EEF2K: variants seen among roughly 807,000 people sequenced by gnomAD.
EEF2K encodes alternative protein EEF2K.
In EEF2K, 70 loss-of-function variants were observed where a neutral mutation model predicts 93.8. The observed-to-expected ratio is 0.75, with a 90% CI of 0.62 to 0.91. The LOEUF is 0.91. Among genes scored for constraint, EEF2K ranks in the 40% least tolerant of loss-of-function variants. EEF2K has a pLI of 0.00. For synonymous variants in EEF2K, 376 were observed against 380.8 expected (o/e 0.99, Z 0.15); for missense variants, 935 against 972.9 (o/e 0.96, Z 0.52).
chr16:22,234,013 C>T (rs1419770791), intron 2 of EEF2K, among the ~76,000 whole-genome samples: 1 of 152,180 alleles, frequency 6.6e-6, no homozygotes, highest in Non-Finnish European at 1.5e-5. Context: ...AGGTTATTTC[C>T]AGTCTTGTCC....
chr16:22,222,258 AT>A (rs1171629878), intron 1 of EEF2K, among the ~76,000 whole-genome samples: 1 of 150,980 alleles, frequency 6.6e-6, no homozygotes, highest in Non-Finnish European at 1.5e-5. Context: ...TTGTGGTGCA[AT>A]TTCAGCTCAC....
intron 12 of EEF2K, among the ~76,000 whole-genome samples, chr16:22,264,362 T>C (rs1323555682): frequency 3.3e-5 from 5 of 150,892 alleles, no homozygotes; most frequent in Admixed American, 2.0e-4. Flanking sequence ...TCCAGCACTT[T>C]AGGAGGGCAA....
At position 22,283,895 on chromosome 16, in the gene EEF2K, T is replaced by C; in HGVS notation, c.2077T>C (p.Tyr693His). The C allele has an allele frequency of 1.3e-6, 2 of 1,593,522 alleles. No individual in the cohort carries two copies. Among genetic ancestry groups the C allele is most frequent in the South Asian group, 1.1e-5 (1 of 87,472 alleles). Reference sequence around the variant, plus strand: ...CCTTTGCTGTCTTTCAGGGGACTTGTATACCCAGGCAGCAGAGGCAGCGAT... The same window carrying C: ...CCTTTGCTGTCTTTCAGGGGACTTGCATACCCAGGCAGCAGAGGCAGCGAT... ...EKDPQRSGDL[Y>H]TQAAEAAMEA... The change falls in exon 18 of 18, where the codon TAT becomes CAT. Residue 693 changes from tyrosine (Y) to histidine (H), a missense_variant. Coordinates refer to ENST00000263026, the MANE Select transcript of EEF2K (RefSeq NM_013302.5).
rs1387900284 is a variant in EEF2K at position 22,225,779 on chromosome 16, A to G, written c.50A>G (p.Gln17Arg). The change falls in exon 2 of 18, where the codon CAG (glutamine) becomes CGG (arginine). Residue 17 changes from glutamine to arginine, a missense_variant. Gln to Arg is a conservative substitution (Grantham distance 43). Transcript: ENST00000263026. ...IFRLEGVDGG[Q>R]SPRAGHDGDS... Reference sequence around the variant, plus strand: ...CGCCTGGAAGGCGTTGATGGCGGCCAGTCCCCCCGAGCTGGCCATGATGGT... The same window carrying G: ...CGCCTGGAAGGCGTTGATGGCGGCCGGTCCCCCCGAGCTGGCCATGATGGT... The G allele has an allele frequency of 6.2e-7, 1 of 1,614,220 alleles. No individual in the cohort carries two copies. The highest frequency in any genetic ancestry group is 1.7e-5 in the Admixed American group (1 of 60,024).
chr16:22,268,862 CAGGAGAATCACTTGAACCT>C (rs1252024878), intron 15 of EEF2K, among the ~76,000 whole-genome samples: 1 of 151,628 alleles, frequency 6.6e-6, no homozygotes, highest in Admixed American at 6.6e-5. Flanking sequence ...GAGGCTGAGG[CAGGAGAATCACTTGAACCT>C]GGGAGACGGA....
intron 2 of EEF2K, among the ~76,000 whole-genome samples, chr16:22,228,300 C>A (rs889138268): frequency 6.6e-6 from 1 of 152,040 alleles, no homozygotes; most frequent in Non-Finnish European, 1.5e-5. Flanking sequence ...AAATTAATTA[C>A]CTTTTCCCAA....
chr16:22,275,403 T>C (rs11863435), intron 16 of EEF2K, among the ~76,000 whole-genome samples: 10,307 of 152,134 alleles, frequency 0.068, 1,191 homozygotes, highest in African/African-American at 0.23. Flanking sequence ...AATGCACTGG[T>C]GCAACCTCAG....
intron 15 of EEF2K, among the ~76,000 whole-genome samples, chr16:22,269,231 T>G (rs2047553484): frequency 6.6e-6 from 1 of 152,020 alleles, no homozygotes; most frequent in Non-Finnish European, 1.5e-5. Flanking sequence ...CCTTCCTTGT[T>G]TCTTCGGGCT....
At chr16:22,257,042 C>G in intron 7 of EEF2K, 145 bp downstream of exon 7, 1 of 1,417,370 alleles carries the variant, frequency 7.1e-7, no homozygotes, top group Non-Finnish European at 9.4e-7. Context: ...GAAGGAGACC[C>G]GTCACCCCAT....
At chr16:22,208,339 A>T (rs1174975607) in intron 1 of EEF2K, among the ~76,000 whole-genome samples, 1 of 151,768 alleles carries the variant, frequency 6.6e-6, no homozygotes, top group Non-Finnish European at 1.5e-5. Flanking sequence ...CCTGGCCAAC[A>T]TAGGGAGCCC....
chr16:22,273,004 G>A (rs1213730283), intron 15 of EEF2K, among the ~76,000 whole-genome samples: 2 of 152,184 alleles, frequency 1.3e-5, no homozygotes, highest in African/African-American at 4.8e-5. Flanking sequence ...GTGTACTTCT[G>A]ATGCAGGGCA....
intron 1 of EEF2K, among the ~76,000 whole-genome samples, chr16:22,218,885 G>A (rs1414531730): frequency 2.0e-5 from 3 of 149,692 alleles, no homozygotes; most frequent in Non-Finnish European, 4.4e-5. Flanking sequence ...CAGCACGTTG[G>A]AAGGCCGAAG....
At chr16:22,256,602 C>T (rs1031016648) in intron 6 of EEF2K, 146 bp from the exon 7 acceptor site, 24 of 796,272 alleles carry the variant, frequency 3.0e-5, no homozygotes, top group Non-Finnish European at 3.9e-5. Flanking sequence ...TGGGCATCAT[C>T]AGGAGCTCCT....
At chr16:22,277,397 A>C (rs1435023063) in intron 16 of EEF2K, among the ~76,000 whole-genome samples, 1 of 152,192 alleles carries the variant, frequency 6.6e-6, no homozygotes, top group Non-Finnish European at 1.5e-5. Context: ...GGCCTCCCAA[A>C]GTGCTGGGAT....
At chr16:22,250,191 A>T (rs541121868) in intron 4 of EEF2K, among the ~76,000 whole-genome samples, 10 of 152,140 alleles carry the variant, frequency 6.6e-5, no homozygotes, top group Non-Finnish European at 1.5e-4. Flanking sequence ...GATTACAGAC[A>T]TAAGCCGCTG....
At chr16:22,252,442 T>G (rs2047360729) in intron 6 of EEF2K, among the ~76,000 whole-genome samples, 1 of 152,144 alleles carries the variant, frequency 6.6e-6, no homozygotes, top group African/African-American at 2.4e-5. Flanking sequence ...CCCCAGAAGT[T>G]CCAATAAAAG....
chr16:22,262,986 A>T, intron 11 of EEF2K, 124 bp from the exon 12 acceptor site: 1 of 770,838 alleles, frequency 1.3e-6, no homozygotes, highest in Non-Finnish European at 2.0e-6. Context: ...AAGGGACAGC[A>T]GGAGCAGGGT....
intron 1 of EEF2K, among the ~76,000 whole-genome samples, chr16:22,221,963 G>A (rs1353559322): frequency 2.6e-5 from 4 of 151,898 alleles, no homozygotes; most frequent in East Asian, 1.9e-4. Flanking sequence ...CCAGCTACTC[G>A]GGAGGCTGAG....
At chr16:22,279,655 TAG>T (rs1165879964) in intron 16 of EEF2K, among the ~76,000 whole-genome samples, 1 of 152,188 alleles carries the variant, frequency 6.6e-6, no homozygotes, top group Non-Finnish European at 1.5e-5. Flanking sequence ...TGTTTTTTTG[TAG>T]AGACACGGTC....
Sources: allele counts gnomAD v4.1 joint callset (sites outside exome capture counted in the v4.1 genomes callset), GRCh38; gene constraint gnomAD v4.1.1; transcripts MANE v1.5; gene names NCBI Gene and HGNC (gene_info 2026-07-23, HGNC 2026-07-21).